Variants in RBFOX2 observed in about 807,000 individuals in gnomAD.
RBFOX2 encodes the protein RNA binding fox-1 homolog 2.
In RBFOX2, 10 loss-of-function variants were observed where a neutral mutation model predicts 49.1. That is an observed-to-expected ratio of 0.20 (90% confidence interval 0.13 to 0.35). The LOEUF is 0.35. RBFOX2 is among the 10% of genes least tolerant of loss of function. The pLI, the probability that RBFOX2 is intolerant of heterozygous loss-of-function variation, is 1.00. For missense variants in RBFOX2, 323 were observed against 486.9 expected (o/e 0.66, Z 3.17); for synonymous variants, 183 against 187.4 (o/e 0.98, Z 0.19).
At chr22:35,977,747 T>TATAG (rs2057256818) in intron 1 of RBFOX2, among the ~76,000 whole-genome samples, 9 of 138,802 alleles carry the variant, frequency 6.5e-5, no homozygotes, top group African/African-American at 2.4e-4. Flanking sequence ...TATATATATA[T>TATAG]ATATATATAT....
chr22:35,961,591 G>C (rs917214619), exon 1 of RBFOX2: 1 of 1,304,082 alleles, frequency 7.7e-7, no homozygotes, highest in Non-Finnish European at 1.0e-6. Flanking sequence ...CTGGTCCATG[G>C]AATCTGATGA....
Position 35,986,846 on chromosome 22 carries a change from T to A in RBFOX2, c.186+41394A>T, listed in dbSNP as rs558980863. Reference sequence around the variant, plus strand: ...TCAACTGCTTCACCTAAGTTCCTCATGATTTTTAGACACCAGCCAATTCTG... The same window carrying A: ...TCAACTGCTTCACCTAAGTTCCTCAAGATTTTTAGACACCAGCCAATTCTG... On this transcript the variant is annotated intron_variant, in intron 1 of 13. Coordinates refer to the RBFOX2 transcript ENST00000438146. 3.3e-5 allele frequency among the ~76,000 whole-genome samples: 5 copies of A among 152,268 alleles called. No homozygotes were observed. In the East Asian group the frequency reaches 9.6e-4, roughly 29 times the overall value.
At chr22:35,790,335 A>G (rs545791833) in intron 2 of RBFOX2, among the ~76,000 whole-genome samples, 2 of 152,328 alleles carry the variant, frequency 1.3e-5, no homozygotes, top group South Asian at 4.1e-4. Flanking sequence ...AAGGGAGAAT[A>G]AGCAGATGAA....
intron 1 of RBFOX2, among the ~76,000 whole-genome samples, chr22:36,014,795 T>C (rs1209123223): frequency 1.3e-5 from 2 of 152,192 alleles, no homozygotes; most frequent in East Asian, 1.9e-4. Context: ...CTATTAATCA[T>C]AGCATTTTTA....
chr22:35,968,099 A>G (rs2056667405), intron 1 of RBFOX2, among the ~76,000 whole-genome samples: 1 of 152,182 alleles, frequency 6.6e-6, no homozygotes, highest in African/African-American at 2.4e-5. Flanking sequence ...TCCTGATCTT[A>G]GAGAAAAAGG....
intron 2 of RBFOX2, among the ~76,000 whole-genome samples, chr22:35,799,061 T>C (rs1433437490): frequency 2.0e-5 from 3 of 152,172 alleles, no homozygotes; most frequent in Non-Finnish European, 4.4e-5. Context: ...AAGCACTTGC[T>C]AGTAAGTGTT....
intron 9 of RBFOX2, among the ~76,000 whole-genome samples, 194 bp from the exon 11 acceptor site, chr22:35,756,338 C>T (rs1280534480): frequency 6.6e-6 from 1 of 152,108 alleles, no homozygotes. Context: ...AGCTCCAGGA[C>T]ATGCGAGGAG....
At chr22:35,910,251 T>C (rs759827383) in intron 1 of RBFOX2, among the ~76,000 whole-genome samples, 13 of 152,244 alleles carry the variant, frequency 8.5e-5, no homozygotes, top group Non-Finnish European at 1.9e-4. Flanking sequence ...ATTCAATTCA[T>C]TATATTTTGA....
chr22:35,897,204 T>G, intron 1 of RBFOX2: 1 of 856,868 alleles, frequency 1.2e-6, no homozygotes, highest in Non-Finnish European at 1.9e-6. Flanking sequence ...CCTGGCTGGG[T>G]GCTCAAACCA....
At chr22:35,871,888 G>T (rs115405198) in intron 1 of RBFOX2, among the ~76,000 whole-genome samples, 3,543 of 152,268 alleles carry the variant, frequency 0.023, 151 homozygotes, top group African/African-American at 0.08. Context: ...GCTGACTACT[G>T]GCGAGGCAAG....
intron 1 of RBFOX2, among the ~76,000 whole-genome samples, chr22:35,913,548 ATG>A (rs909757854): frequency 6.9e-6 from 1 of 145,920 alleles, no homozygotes. Flanking sequence ...GTGTATATGT[ATG>A]TGTGTGTGTG....
At chr22:35,866,109 A>G (rs1214632448) in intron 1 of RBFOX2, among the ~76,000 whole-genome samples, 1 of 152,166 alleles carries the variant, frequency 6.6e-6, no homozygotes, top group Admixed American at 6.5e-5. Flanking sequence ...AATTTCTCAA[A>G]AGGTTGGTTT....
At chr22:35,957,822 A>G (rs2055754101) in intron 1 of RBFOX2, among the ~76,000 whole-genome samples, 1 of 152,226 alleles carries the variant, frequency 6.6e-6, no homozygotes, top group Admixed American at 6.5e-5. Flanking sequence ...ATAACAGACT[A>G]ACAGACACAA....
In RBFOX2 at chr22:36,002,990, ACTTTCTTCAAAAGACCTTC is replaced by A. The variant is rs371352415; in HGVS notation, c.186+25231_186+25249del. 1.3e-4 allele frequency among the ~76,000 whole-genome samples: 20 copies of A among 152,318 alleles called. 1 individual carries two copies. The highest frequency in any genetic ancestry group is 3.4e-4 in the African/African-American group (14 of 41,564). On this transcript the variant is annotated intron_variant, in intron 1 of 13. Coordinates refer to the RBFOX2 transcript ENST00000438146. ...TTTTTCCAATCGCTAACTTGCAATT[ACTTTCTTCAAAAGACCTTC>A]CTTTCTTCAAAAGACACTCCTTGAA...
intron 1 of RBFOX2, among the ~76,000 whole-genome samples, chr22:35,919,231 A>G (rs1046128125): frequency 6.6e-6 from 1 of 152,236 alleles, no homozygotes; most frequent in Non-Finnish European, 1.5e-5. Context: ...AGTAGTGGGC[A>G]TAGAGGAATT....
chr22:35,831,892 G>C (rs1032291393), intron 1 of RBFOX2, among the ~76,000 whole-genome samples: 1 of 152,196 alleles, frequency 6.6e-6, no homozygotes, highest in Non-Finnish European at 1.5e-5. Flanking sequence ...AGTAACCTTT[G>C]AGGGATCAGG....
At chr22:36,005,253 G>A (rs1032466883) in intron 1 of RBFOX2, among the ~76,000 whole-genome samples, 2 of 152,098 alleles carry the variant, frequency 1.3e-5, no homozygotes, top group Admixed American at 6.6e-5. Context: ...ACCAATCAGT[G>A]GCATACACTG....
chr22:35,959,128 G>A (rs929211970), intron 1 of RBFOX2, among the ~76,000 whole-genome samples: 2 of 152,138 alleles, frequency 1.3e-5, no homozygotes, highest in East Asian at 3.9e-4. Context: ...ATCAATGAAA[G>A]GTTGAAGGCA....
At chr22:35,757,146 G>A (rs1048159138) in intron 9 of RBFOX2, among the ~76,000 whole-genome samples, 3 of 151,690 alleles carry the variant, frequency 2.0e-5, no homozygotes, top group Non-Finnish European at 2.9e-5. Flanking sequence ...CATCTGAGAA[G>A]GTAGCTGGTT....
Sources: allele counts gnomAD v4.1 joint callset (sites outside exome capture counted in the v4.1 genomes callset), GRCh38; gene constraint gnomAD v4.1.1; transcripts MANE v1.5; gene names NCBI Gene and HGNC (gene_info 2026-07-23, HGNC 2026-07-21).